Variants in LEO1 observed in about 807,000 individuals in gnomAD.
LEO1 encodes the protein LEO1 component of Paf1/RNA polymerase II complex.
In LEO1, 34 loss-of-function variants were observed where a neutral mutation model predicts 80.4. The observed-to-expected ratio is 0.42, with a 90% confidence interval of 0.32 to 0.56. The LOEUF (loss-of-function observed/expected upper bound fraction) is 0.56. LEO1 is among the 20% of genes least tolerant of loss of function. The pLI is 0.10. For missense variants in LEO1, 631 were observed against 814.2 expected (o/e 0.77, Z 2.74); for synonymous variants, 262 against 274.9 (o/e 0.95, Z 0.46).
In LEO1 at chr15:51,954,505, C is replaced by G; in HGVS notation, c.1316G>C (p.Arg439Pro). ...EGNEIKESNA[R>P]IVKWSDGSMS... ...CCTTCCATCTGACCACTTGACTATCCGAGCATTGCTTTCTTTAATTTCATT... is the reference window on the plus strand; with the variant it reads ...CCTTCCATCTGACCACTTGACTATCGGAGCATTGCTTTCTTTAATTTCATT... Residue 439 changes from arginine to proline, a missense_variant, in exon 7 of 12, where the codon CGG (arginine) becomes CCG (proline). Transcript: ENST00000299601. 6.2e-7 allele frequency: 1 copy of G among 1,613,380 alleles called. No homozygotes were observed. Among genetic ancestry groups the G allele is most frequent in the Non-Finnish European group, 8.5e-7 (1 of 1,179,342 alleles).
intron 7 of LEO1, 83 bp from the exon 8 acceptor site, chr15:51,953,346 G>A: frequency 2.1e-6 from 3 of 1,443,506 alleles, no homozygotes; most frequent in Non-Finnish European, 9.5e-7. Context: ...ATTCAGGCTG[G>A]GCACAGTGGC....
intron 2 of LEO1, among the ~76,000 whole-genome samples, chr15:51,965,396 A>G (rs554188920): frequency 6.6e-5 from 10 of 152,208 alleles, no homozygotes; most frequent in African/African-American, 2.4e-4. Flanking sequence ...AGGCTAATCT[A>G]TTCTCTCACA....
At chr15:51,969,838 TAAAAAAAAAAAA>T (rs58342384) in intron 1 of LEO1, among the ~76,000 whole-genome samples, 4 of 89,978 alleles carry the variant, frequency 4.4e-5, no homozygotes, top group Non-Finnish European at 6.4e-5. Flanking sequence ...GAGACTCCGT[TAAAAAAAAAAAA>T]AAAAAAAAAA....
intron 6 of LEO1, among the ~76,000 whole-genome samples, chr15:51,958,535 A>G (rs2057006643): frequency 6.6e-6 from 1 of 152,214 alleles, no homozygotes; most frequent in Admixed American, 6.5e-5. Flanking sequence ...TAGCGTGACC[A>G]GATGGTATAA....
chr15:51,968,149 C>CTCCA (rs1021006793), intron 1 of LEO1, among the ~76,000 whole-genome samples: 2 of 152,026 alleles, frequency 1.3e-5, no homozygotes, highest in Non-Finnish European at 2.9e-5. Context: ...TAGCACTGCA[C>CTCCA]TCCAGCCTGG....
Position 51,966,465 on chromosome 15 carries a change from T to C in LEO1, c.98A>G (p.Asn33Ser). The change falls in exon 2 of 12, where the codon AAT becomes AGT. Residue 33 changes from asparagine (N) to serine (S), a missense_variant. Coordinates refer to ENST00000299601, the MANE Select transcript of LEO1 (RefSeq NM_138792.4). ...SGSDSDSDQE[N>S]AASGSNASGS... ...AGAGGCATTACTGCCAGAGGCAGCA[T>C]TCTCTTGATCAGAATCTGAGTCAGA... is the stretch of plus-strand genomic sequence containing the variant. 6.2e-7 allele frequency: 1 copy of C among 1,612,596 alleles called. No individual in the cohort carries two copies. Among genetic ancestry groups the C allele is most frequent in the Middle Eastern group, 1.7e-4 (1 of 6,058 alleles).
In LEO1 at chr15:51,966,266, A is replaced by G. The variant is rs773350493; in HGVS notation, c.297T>C (p.Asn99=). ...EASERSDHED[N]DPSDVDQHSG... ...TGTGCTGATCTACATCTGAGGGGTC[A>G]TTGTCCTCATGGTCAGAACGCTCAG... is the stretch of plus-strand genomic sequence containing the variant. Residue 99 remains asparagine (N), a synonymous_variant, in exon 2 of 12, where the codon AAT becomes AAC. Coordinates refer to ENST00000299601, the MANE Select transcript of LEO1 (RefSeq NM_138792.4). 5 of 1,614,058 alleles carry G rather than the reference A, an allele frequency of 3.1e-6. No individual in the cohort carries two copies. The highest frequency in any genetic ancestry group is 4.2e-6 in the Non-Finnish European group (5 of 1,179,986).
chr15:51,959,147 A>C (rs1422194561), intron 5 of LEO1, among the ~76,000 whole-genome samples: 1 of 151,822 alleles, frequency 6.6e-6, no homozygotes, highest in Non-Finnish European at 1.5e-5. Flanking sequence ...GGATTACAGG[A>C]ATGCGCCACC....
Position 51,947,352 on chromosome 15 carries a change from C to T in LEO1, c.1836G>A (p.Glu612=), listed in dbSNP as rs528906467. 1 of 1,613,562 alleles carries T rather than the reference C, an allele frequency of 6.2e-7. No individual in the cohort carries two copies. The highest frequency in any genetic ancestry group is 2.2e-5 in the East Asian group (1 of 44,886). Residue 612 remains glutamate (E), a synonymous_variant, in exon 11 of 12, where the codon GAG becomes GAA. Coordinates refer to ENST00000299601, the MANE Select transcript of LEO1 (RefSeq NM_138792.4). ...TTTGAGCTTTATCTTCTTCTGATCC[C>T]TCATCACTGTCTGATGAATAGATTC... ...RARIYSSDSD[E]GSEEDKAQRL...
At chr15:51,960,090 T>C (rs1366612384) in intron 4 of LEO1, 46 bp from the exon 5 acceptor site, 2 of 1,504,646 alleles carry the variant, frequency 1.3e-6, no homozygotes, top group East Asian at 2.3e-5. Context: ...ACCTTAGAAA[T>C]GGCTTCCTTC....
intron 1 of LEO1, among the ~76,000 whole-genome samples, chr15:51,966,708 C>T (rs1285669148): frequency 6.6e-6 from 1 of 151,990 alleles, no homozygotes; most frequent in Admixed American, 6.6e-5. Context: ...GTCAGGAGTT[C>T]GAGACCAGCC....
chr15:51,960,219 T>C (rs368121460), intron 4 of LEO1, among the ~76,000 whole-genome samples, 175 bp from the exon 5 acceptor site: 1 of 152,208 alleles, frequency 6.6e-6, no homozygotes, highest in African/African-American at 2.4e-5. Context: ...AAACGATCAA[T>C]TTGGATACCT....
intron 11 of LEO1, among the ~76,000 whole-genome samples, chr15:51,943,012 G>A (rs1286494237): frequency 1.3e-5 from 2 of 151,988 alleles, no homozygotes; most frequent in African/African-American, 4.8e-5. Flanking sequence ...CAGCACTTTG[G>A]GTGGTTGAGG....
Position 51,958,735 on chromosome 15 carries a change from A to G in LEO1, c.1245+7T>C, listed in dbSNP as rs924804330. Reference sequence around the variant, plus strand: ...AAGAAAAAAAAGGAAAAAGCATGAAATGGTACCTTTAATTTTAACCTGGTT... The same window carrying G: ...AAGAAAAAAAAGGAAAAAGCATGAAGTGGTACCTTTAATTTTAACCTGGTT... On this transcript the variant is annotated splice_region_variant and intron_variant, in intron 6 of 11. Transcript: ENST00000299601. 2.6e-6 allele frequency: 4 copies of G among 1,532,468 alleles called. No individual in the cohort carries two copies. The highest frequency in any genetic ancestry group is 3.6e-6 in the Non-Finnish European group (4 of 1,121,020). 94.9% of individuals were successfully genotyped at this position (1,532,468 alleles called of 1,614,324 possible). A position where few individuals can be genotyped will look rare whatever the true frequency, so the allele number is the denominator to read the frequency against.
At chr15:51,956,687 G>C (rs1468359992) in intron 6 of LEO1, among the ~76,000 whole-genome samples, 2 of 152,102 alleles carry the variant, frequency 1.3e-5, no homozygotes, top group African/African-American at 4.8e-5. Flanking sequence ...GGTCAGCGTA[G>C]TCTTAAACAT....
At chr15:51,958,865 T>C (rs757809363) in intron 5 of LEO1, 39 bp from the exon 6 acceptor site, 11 of 1,078,514 alleles carry the variant, frequency 1.0e-5, no homozygotes, top group Middle Eastern at 2.9e-4. Context: ...AATCATATTT[T>C]ATAAAGAATA....
At chr15:51,941,879 A>G (rs2056855897) in intron 11 of LEO1, among the ~76,000 whole-genome samples, 1 of 152,282 alleles carries the variant, frequency 6.6e-6, no homozygotes, top group Admixed American at 6.5e-5. Flanking sequence ...TCCATTGATC[A>G]GATGAGGAAA....
chr15:51,951,806 A>G (rs763625883), intron 9 of LEO1, 38 bp downstream of exon 9: 3 of 1,585,606 alleles, frequency 1.9e-6, no homozygotes, highest in South Asian at 2.3e-5. Flanking sequence ...TAATATACCA[A>G]AGAATCCCAG....
intron 6 of LEO1, chr15:51,954,845 T>C (rs1013065670): frequency 3.3e-5 from 12 of 367,116 alleles, no homozygotes; most frequent in Non-Finnish European, 3.0e-5. Flanking sequence ...AGATGGCAGA[T>C]ACTAAATGTA....
Sources: gnomAD v4.1 joint callset for allele counts (sites outside exome capture counted in the v4.1 genomes callset) on GRCh38, gnomAD v4.1.1 for gene constraint, MANE v1.5 for transcripts, NCBI Gene and HGNC (gene_info 2026-07-23, HGNC 2026-07-21) for gene names.